Variants in HDAC8 observed in about 807,000 individuals in gnomAD.
The protein encoded by HDAC8 is histone deacetylase-like 1.
A neutral mutation model predicts 32.2 loss-of-function variants in HDAC8; 1 was observed. That is an observed-to-expected ratio of 0.03 (90% CI 0.01 to 0.15). The LOEUF (loss-of-function observed/expected upper bound fraction) is 0.15, where lower values mean the gene tolerates loss of function less well. Ranked by LOEUF, HDAC8 falls within the 10% of genes least tolerant of loss-of-function variation. The pLI is 1.00. For missense variants in HDAC8, 117 were observed against 300.0 expected (o/e 0.39, Z 4.51); for synonymous variants, 108 against 113.9 (o/e 0.95, Z 0.33).
chrX:72,370,928 C>T (rs1220690566), intron 9 of HDAC8, among the ~76,000 whole-genome samples: 3 of 111,753 alleles, frequency 2.7e-5, no homozygotes, highest in East Asian at 2.8e-4. Flanking sequence ...TTTCCCAGCC[C>T]GCTGACTCAA....
intron 9 of HDAC8, among the ~76,000 whole-genome samples, chrX:72,432,151 T>G (rs1602802045): frequency 9.0e-6 from 1 of 110,956 alleles, no homozygotes; most frequent in East Asian, 2.8e-4. Context: ...TTTATTTTTT[T>G]TTTGTGGAGA....
chrX:72,490,451 T>C (rs1330423816), intron 6 of HDAC8, among the ~76,000 whole-genome samples: 1 of 107,265 alleles, frequency 9.3e-6, no homozygotes, highest in Non-Finnish European at 1.9e-5. Context: ...ATGTCCTTTG[T>C]AGGGACATGG....
intron 4 of HDAC8, among the ~76,000 whole-genome samples, chrX:72,509,588 C>T (rs1265141759): frequency 9.0e-6 from 1 of 111,468 alleles, no homozygotes; most frequent in Non-Finnish European, 1.9e-5. Flanking sequence ...AGGGACGAAC[C>T]TGGAGGATAT....
Position 72,448,111 on chromosome X carries a change from G to C in HDAC8, c.1005+13893C>G, listed in dbSNP as rs782287396. Among the ~76,000 whole-genome samples, 3 of 111,721 alleles carry C rather than the reference G, an allele frequency of 2.7e-5. No individual in the cohort carries two copies. In the South Asian group the frequency reaches 1.1e-3, roughly 42 times the overall value. ...TTAAATTTCATATGGAACCAAAAAAGAGCCCTTATAGCCAAGACAATCCTA... is the reference window on the plus strand; with the variant it reads ...TTAAATTTCATATGGAACCAAAAAACAGCCCTTATAGCCAAGACAATCCTA... On this transcript the variant is annotated intron_variant, in intron 9 of 10. Coordinates refer to ENST00000373573, the MANE Select transcript of HDAC8 (RefSeq NM_018486.3).
chrX:72,572,592 G>C, intron 1 of HDAC8, 59 bp downstream of exon 1: 2 of 792,902 alleles, frequency 2.5e-6, no homozygotes, highest in Non-Finnish European at 3.6e-6. Flanking sequence ...ACGCTCTTTC[G>C]TCCACCGCCC....
chrX:72,330,087 G>A lies in HDAC8; in HGVS notation c.1112-11C>T. ...CATGCTTCAGATTCCCTGCAAACAG[G>A]GGAGAAAACAAAATTCAAAGTCAGG... On this transcript the variant is annotated splice_polypyrimidine_tract_variant and intron_variant, in intron 10 of 10. Coordinates refer to ENST00000373573, the MANE Select transcript of HDAC8 (RefSeq NM_018486.3). 8.3e-7 allele frequency: 1 copy of A among 1,198,630 alleles called. No individual in the cohort carries two copies.
At chrX:72,504,768 C>T (rs1413486579) in intron 4 of HDAC8, among the ~76,000 whole-genome samples, 3 of 112,050 alleles carry the variant, frequency 2.7e-5, no homozygotes, top group African/African-American at 6.5e-5. Flanking sequence ...TTTTGAGGAA[C>T]GACCAAACTG....
At chrX:72,413,239 G>A (rs1157583878) in intron 9 of HDAC8, among the ~76,000 whole-genome samples, 1 of 107,287 alleles carries the variant, frequency 9.3e-6, no homozygotes, top group African/African-American at 3.4e-5. Context: ...TTAACATTAA[G>A]TATCTCTCCT....
At chrX:72,530,407 G>T (rs1487377203) in intron 4 of HDAC8, among the ~76,000 whole-genome samples, 4 of 104,384 alleles carry the variant, frequency 3.8e-5, no homozygotes, top group Admixed American at 3.1e-4. Flanking sequence ...ATTATAATCT[G>T]TCTTAAATTG....
intron 4 of HDAC8, among the ~76,000 whole-genome samples, chrX:72,500,549 G>A (rs1556015551): frequency 1.8e-5 from 2 of 111,587 alleles, no homozygotes; most frequent in East Asian, 2.8e-4. Flanking sequence ...CTCAATAGAC[G>A]CAGAAAAGGC....
intron 4 of HDAC8, among the ~76,000 whole-genome samples, chrX:72,566,416 CAT>C (rs1556134186): frequency 8.9e-6 from 1 of 112,836 alleles, no homozygotes; most frequent in Non-Finnish European, 1.9e-5. Flanking sequence ...ATGTAAGACT[CAT>C]TACTAAAACA....
At chrX:72,332,431 T>C (rs1003550384) in intron 10 of HDAC8, among the ~76,000 whole-genome samples, 6 of 112,011 alleles carry the variant, frequency 5.4e-5, no homozygotes, top group Non-Finnish European at 1.1e-4. Context: ...CTCAGCATTC[T>C]TGCTGGCATC....
At chrX:72,379,740 G>T (rs1267867176) in intron 9 of HDAC8, among the ~76,000 whole-genome samples, 1 of 110,793 alleles carries the variant, frequency 9.0e-6, no homozygotes, top group Non-Finnish European at 1.9e-5. Context: ...GACCTCAGGT[G>T]ATCCACCTGC....
intron 10 of HDAC8, among the ~76,000 whole-genome samples, chrX:72,331,632 C>CA (rs202058788): frequency 0.046 from 4,906 of 106,091 alleles, 149 homozygotes; most frequent in African/African-American, 0.1. Flanking sequence ...CAGGAAGCTG[C>CA]AAAAAAAAAA....
rs180672873 is a variant in HDAC8, at chrX:72,569,502, C to G, written c.165-618G>C. On this transcript the variant is annotated intron_variant, in intron 2 of 10. Transcript: ENST00000373573. ...ACATACAAAAATGCTTGGTGGATAA[C>G]TATCATTCTATTAACAGATAAAAAA... 1.7e-3 allele frequency among the ~76,000 whole-genome samples: 196 copies of G among 112,307 alleles called. 1 individual carries two copies. Among genetic ancestry groups the G allele is most frequent in the Middle Eastern group, 9.1e-3 (2 of 219 alleles).
At chrX:72,498,781 C>T (rs972621259) in intron 4 of HDAC8, among the ~76,000 whole-genome samples, 1 of 111,513 alleles carries the variant, frequency 9.0e-6, no homozygotes, top group Non-Finnish European at 1.9e-5. Context: ...TTATAAATTA[C>T]ATATAATACC....
intron 9 of HDAC8, among the ~76,000 whole-genome samples, chrX:72,447,509 TC>T (rs2148004905): frequency 8.9e-6 from 1 of 111,908 alleles, no homozygotes; most frequent in African/African-American, 3.2e-5. Context: ...CTGGAAGCAT[TC>T]CCTTTGAAAA....
At chrX:72,451,850 G>A (rs952105386) in intron 9 of HDAC8, among the ~76,000 whole-genome samples, 2 of 112,116 alleles carry the variant, frequency 1.8e-5, no homozygotes, top group African/African-American at 3.2e-5. Flanking sequence ...CAGAGGATAC[G>A]AATGAGGTGA....
chrX:72,552,500 A>C, intron 4 of HDAC8, among the ~76,000 whole-genome samples: 1 of 110,535 alleles, frequency 9.0e-6, no homozygotes, highest in Non-Finnish European at 1.9e-5. Flanking sequence ...AGTCCCAGCC[A>C]CTCGGGAGGC....
Sources: gnomAD v4.1 joint callset for allele counts (sites outside exome capture counted in the v4.1 genomes callset) on GRCh38, gnomAD v4.1.1 for gene constraint, MANE v1.5 for transcripts, NCBI Gene and HGNC (gene_info 2026-07-23, HGNC 2026-07-21) for gene names.